Variants in LCP2 observed in about 807,000 individuals in gnomAD.
LCP2 encodes the protein lymphocyte cytosolic protein 2.
In LCP2, 29 loss-of-function variants were observed where a neutral mutation model predicts 74.5. The observed-to-expected ratio is 0.39, with a 90% CI of 0.29 to 0.53. LCP2 has a LOEUF of 0.53. Ranked by LOEUF, LCP2 falls within the 20% of genes least tolerant of loss-of-function variation. The pLI is 0.72. For missense variants in LCP2, 604 were observed against 634.6 expected, an observed-to-expected ratio of 0.95 and a Z score of 0.52; for synonymous variants, 228 against 229.5, an observed-to-expected ratio of 0.99 and a Z score of 0.06.
At chr5:170,284,545 C>A (rs1322160959) in intron 3 of LCP2, among the ~76,000 whole-genome samples, 1 of 149,078 alleles carries the variant, frequency 6.7e-6, no homozygotes, top group Non-Finnish European at 1.5e-5. Flanking sequence ...AGCTAGTTTT[C>A]TTCCTGTTTC....
chr5:170,256,407 G>T lies in LCP2; in HGVS notation c.1150+119C>A. On this transcript the variant is annotated intron_variant, in intron 17 of 20. Transcript: ENST00000046794. This position sits in a 1 kb window ranked among gnomAD's most constrained non-coding sequence, Gnocchi z 4.5. Reference sequence around the variant, plus strand: ...AGACACGGAATTAAATGTTGAATGAGGAAATCAGATGCTTTTAGGAAACAA... The same window carrying T: ...AGACACGGAATTAAATGTTGAATGATGAAATCAGATGCTTTTAGGAAACAA... 1.2e-6 allele frequency: 1 copy of T among 816,940 alleles called. No homozygotes were observed. Among genetic ancestry groups the T allele is most frequent in the East Asian group, 2.5e-5 (1 of 39,410 alleles). 50.6% of individuals were successfully genotyped at this position (816,940 alleles called of 1,614,324 possible). A position where few individuals can be genotyped will look rare whatever the true frequency, so the allele number is the denominator to read the frequency against.
chr5:170,247,959 A>T lies in LCP2; in HGVS notation c.*738T>A, dbSNP rs1032255446. 4 of 152,192 alleles carry T rather than the reference A, an allele frequency of 2.6e-5. No homozygotes were observed. The highest frequency in any genetic ancestry group is 4.8e-5 in the African/African-American group (2 of 41,432). 9.4% of individuals were successfully genotyped at this position (152,192 alleles called of 1,614,324 possible). A position where few individuals can be genotyped will look rare whatever the true frequency, so the allele number is the denominator to read the frequency against. On this transcript the variant is annotated 3_prime_UTR_variant, in exon 21 of 21. Transcript: ENST00000046794. ...TTCATTAAACCTAGACCCACGATAC[A>T]CCAAAGTCTCATCCCTAAATTTAAA...
At chr5:170,293,411 G>A (rs771659395) in intron 1 of LCP2, 39 bp from the exon 2 acceptor site, 1 of 1,550,916 alleles carries the variant, frequency 6.4e-7, no homozygotes, top group Non-Finnish European at 8.8e-7. Flanking sequence ...GTGACGGGCA[G>A]TCTCTTACCA....
chr5:170,253,673 A>G (rs910961018), intron 17 of LCP2, among the ~76,000 whole-genome samples: 29 of 152,214 alleles, frequency 1.9e-4, no homozygotes, highest in Admixed American at 1.3e-4. Flanking sequence ...ATGTTTCCAC[A>G]AAAAGAAATG....
chr5:170,257,985 G>A (rs1184746026), intron 16 of LCP2, 52 bp downstream of exon 16: 11 of 1,586,040 alleles, frequency 6.9e-6, no homozygotes, highest in Non-Finnish European at 9.5e-6. Flanking sequence ...CTTCAGTACT[G>A]GATGGACCTA....
rs1005990457 is a variant in LCP2 at position 170,276,830 on chromosome 5, T to C, written c.189-970A>G. Among the ~76,000 whole-genome samples, 5 of 152,072 alleles carry C rather than the reference T, an allele frequency of 3.3e-5. 1 individual carries two copies. Among genetic ancestry groups the C allele is most frequent in the South Asian group, 4.2e-4 (2 of 4,812 alleles). On this transcript the variant is annotated intron_variant, in intron 3 of 20. Coordinates refer to ENST00000046794, the MANE Select transcript of LCP2 (RefSeq NM_005565.5). ...CTCAGATTATCAGTCCAATTTCATT[T>C]TACAGAGGAGATGGCAGATGGCGGA...
rs753470532 is a variant in LCP2, at chr5:170,248,684, C to T, written c.*13G>A. 8 of 1,573,060 alleles carry T rather than the reference C, an allele frequency of 5.1e-6. No individual in the cohort carries two copies. The highest frequency in any genetic ancestry group is 1.5e-5 in the African/African-American group (1 of 64,954). On this transcript the variant is annotated 3_prime_UTR_variant, in exon 21 of 21. Coordinates refer to ENST00000046794, the MANE Select transcript of LCP2 (RefSeq NM_005565.5). ...GAGGCAGGAGGACGGTTCATTTGCT[C>T]GGCTATAACTTGCTATGGGTACCCT...
chr5:170,268,428 G>T lies in LCP2; in HGVS notation c.578C>A (p.Pro193Gln). The stretch of plus-strand genomic sequence containing the variant: ...TGGTGGGGGCGGGAGGGCGGCCATC[G>T]GTCTCTGGGGGGGCACAGGAGGCTG... Reference protein sequence around the residue: ...PQQPPVPPQRPMAALPPPPAG... With the variant: ...PQQPPVPPQRQMAALPPPPAG... The change falls in exon 8 of 21, where the codon CCG (proline) becomes CAG (glutamine). Residue 193 changes from proline (P) to glutamine (Q), a missense_variant. Transcript: ENST00000046794. 1 of 572,508 alleles carries T rather than the reference G, an allele frequency of 1.7e-6. No homozygotes were observed. Among genetic ancestry groups the T allele is most frequent in the Non-Finnish European group, 2.4e-6 (1 of 412,328 alleles). The allele number at this position is 572,508 out of a possible 1,614,324, so 35.5% of individuals were successfully genotyped here. A position where few individuals can be genotyped will look rare whatever the true frequency, so the allele number is the denominator to read the frequency against.
rs750638305 is a variant in LCP2, at chr5:170,270,892, T to C, written c.350A>G (p.Asn117Ser). ...SFEEDDYESPNDDQDGEDDGD... is the reference protein window; with the variant it reads ...SFEEDDYESPSDDQDGEDDGD... Reference sequence around the variant, plus strand: ...ATCATCCTCCCCATCCTGGTCATCATTGGGACTTTCATAATCGTCTTCTTC... The same window carrying C: ...ATCATCCTCCCCATCCTGGTCATCACTGGGACTTTCATAATCGTCTTCTTC... Residue 117 changes from asparagine (N) to serine (S), a missense_variant, in exon 7 of 21, where the codon AAT (asparagine) becomes AGT (serine). Physicochemically the swap from Asn to Ser is conservative, Grantham distance 46. Transcript: ENST00000046794. 54 of 1,612,512 alleles carry C rather than the reference T, an allele frequency of 3.3e-5. No homozygotes were observed. Among genetic ancestry groups the C allele is most frequent in the South Asian group, 8.8e-5 (8 of 90,652 alleles).
chr5:170,282,625 T>A (rs982237235), intron 3 of LCP2, among the ~76,000 whole-genome samples: 1 of 152,382 alleles, frequency 6.6e-6, no homozygotes, highest in East Asian at 1.9e-4. Flanking sequence ...ATTGTTCTAA[T>A]TGGGATTTTA....
At chr5:170,249,405 T>C (rs1761379149) in intron 20 of LCP2, among the ~76,000 whole-genome samples, 1 of 150,870 alleles carries the variant, frequency 6.6e-6, no homozygotes, top group African/African-American at 2.4e-5. Context: ...TATATATATA[T>C]GTAATTTGAA....
At position 170,290,888 on chromosome 5, in the gene LCP2, CA is replaced by C. The variant is rs773276013; in HGVS notation, c.141+2421del. 7.7e-4 allele frequency among the ~76,000 whole-genome samples: 115 copies of C among 148,610 alleles called. 1 individual carries two copies. In the Middle Eastern group the frequency reaches 0.024, roughly 31 times the overall value. On this transcript the variant is annotated intron_variant, in intron 2 of 20. Transcript: ENST00000046794. ...CTACCAGATAAGGATCTAACCTTTTCAGTGGAAAACAAAAATGGCAAAGAAG... is the reference window on the plus strand; with the variant it reads ...CTACCAGATAAGGATCTAACCTTTTCGTGGAAAACAAAAATGGCAAAGAAG...
At position 170,253,163 on chromosome 5, in the gene LCP2, G is replaced by A. The variant is rs755019132; in HGVS notation, c.1201C>T (p.Pro401Ser). ...GGGGGCCGAGGTTTGTTTGGAAGTG[G>A]CAAGGGGAAGTTTCTGCCTTCGGCT... ...IRAEGRNFPL[P>S]LPNKPRPPSP... is the part of the protein sequence containing the mutation. The change falls in exon 18 of 21, where the codon CCA becomes TCA. Residue 401 changes from proline to serine, a missense_variant. Coordinates refer to ENST00000046794, the MANE Select transcript of LCP2 (RefSeq NM_005565.5). 3 of 1,611,954 alleles carry A rather than the reference G, an allele frequency of 1.9e-6. No homozygotes were observed. The highest frequency in any genetic ancestry group is 2.5e-6 in the Non-Finnish European group (3 of 1,179,038).
At position 170,252,490 on chromosome 5, in the gene LCP2, AC is replaced by A; in HGVS notation, c.1266del (p.Trp422CysfsTer18). 1 of 1,568,410 alleles carries A rather than the reference AC, an allele frequency of 6.4e-7. No individual in the cohort carries two copies. The highest frequency in any genetic ancestry group is 8.7e-7 in the Non-Finnish European group (1 of 1,143,512). On this transcript the variant is annotated frameshift_variant, in exon 19 of 21. Coordinates refer to ENST00000046794, the MANE Select transcript of LCP2 (RefSeq NM_005565.5). LOFTEE classifies it high-confidence loss of function. Reference sequence around the variant, plus strand: ...TCTGGTCGGGTAATATAAGAAACGTACCACTCTTCATTTAATGAATTCTGAA... The same window carrying A: ...TCTGGTCGGGTAATATAAGAAACGTACACTCTTCATTTAATGAATTCTGAA... ...AEEENSLNEE[W>X]YVSYITRPEA...
At chr5:170,289,603 CTT>C (rs1561978235) in intron 2 of LCP2, among the ~76,000 whole-genome samples, 1 of 145,296 alleles carries the variant, frequency 6.9e-6, no homozygotes, top group African/African-American at 2.6e-5. Flanking sequence ...TTCTTTCTTT[CTT>C]TCTTTCTTTC....
At chr5:170,297,158 T>G (rs923444338) in intron 1 of LCP2, among the ~76,000 whole-genome samples, 6 of 152,308 alleles carry the variant, frequency 3.9e-5, no homozygotes, top group African/African-American at 1.2e-4. Context: ...CTCTATCACA[T>G]GTAGTCCCTA....
rs2113160035 is a variant in LCP2, at chr5:170,258,308, G to A, written c.971-142C>T. The A allele has an allele frequency of 3.7e-6, 3 of 811,636 alleles. No individual in the cohort carries two copies. In the East Asian group the frequency reaches 7.8e-5, roughly 21 times the overall value. 50.3% of individuals were successfully genotyped at this position (811,636 alleles called of 1,614,324 possible). A position where few individuals can be genotyped will look rare whatever the true frequency, so the allele number is the denominator to read the frequency against. ...GCAGATCAGATGTAATTAGGAAGTAGTAGGATGGAACCTTGCTCCCAGGGT... is the reference window on the plus strand; with the variant it reads ...GCAGATCAGATGTAATTAGGAAGTAATAGGATGGAACCTTGCTCCCAGGGT... On this transcript the variant is annotated intron_variant, in intron 15 of 20. Coordinates refer to ENST00000046794, the MANE Select transcript of LCP2 (RefSeq NM_005565.5).
chr5:170,253,062 G>A lies in LCP2; in HGVS notation c.1245+57C>T, dbSNP rs149926749. ...GAAGAACATTCAATGGGAGTTTCTGGTGATTCTTTTACCAGGGAAAAGGCA... is the reference window on the plus strand; with the variant it reads ...GAAGAACATTCAATGGGAGTTTCTGATGATTCTTTTACCAGGGAAAAGGCA... On this transcript the variant is annotated intron_variant, in intron 18 of 20. Coordinates refer to ENST00000046794, the MANE Select transcript of LCP2 (RefSeq NM_005565.5). 1.2e-3 allele frequency: 1,248 copies of A among 1,075,884 alleles called. 3 individuals are homozygous for A. The highest frequency in any genetic ancestry group is 2.2e-3 in the Admixed American group (109 of 49,224). 66.6% of individuals were successfully genotyped at this position (1,075,884 alleles called of 1,614,324 possible). A position where few individuals can be genotyped will look rare whatever the true frequency, so the allele number is the denominator to read the frequency against.
intron 2 of LCP2, among the ~76,000 whole-genome samples, chr5:170,289,758 C>T (rs1440375644): frequency 5.7e-5 from 7 of 123,258 alleles, no homozygotes; most frequent in Admixed American, 8.6e-5. Flanking sequence ...TTTTCTTTCT[C>T]TTTTTTTTTT....
Sources: gnomAD v4.1 joint callset for allele counts (sites outside exome capture counted in the v4.1 genomes callset) on GRCh38, gnomAD v4.1.1 for gene constraint, Gnocchi (gnomAD v3.1) non-coding constraint, MANE v1.5 for transcripts, NCBI Gene and HGNC (gene_info 2026-07-23, HGNC 2026-07-21) for gene names.